ODAD2: variants seen among roughly 807,000 people sequenced by gnomAD.
ODAD2 encodes outer dynein arm docking complex subunit 2.
Under a neutral mutation model 106.8 loss-of-function variants are expected in ODAD2, and 89 were observed. That is an observed-to-expected ratio of 0.83 (90% confidence interval 0.70 to 0.99). The LOEUF is 0.99. Ranked by LOEUF, ODAD2 falls within the 50% of genes least tolerant of loss-of-function variation. ODAD2 has a pLI of 0.00. For missense variants in ODAD2, 1,168 were observed against 1,238.5 expected (o/e 0.94, Z 0.85); for synonymous variants, 404 against 436.2 (o/e 0.93, Z 0.92).
intron 19 of ODAD2, among the ~76,000 whole-genome samples, chr10:27,814,549 A>G (rs889865009): frequency 1.3e-5 from 2 of 152,070 alleles, no homozygotes; most frequent in African/African-American, 4.8e-5. Context: ...CTGATTTTTC[A>G]TCACTTTCAA....
chr10:27,980,298 A>G (rs1849464441), intron 7 of ODAD2, among the ~76,000 whole-genome samples: 2 of 152,162 alleles, frequency 1.3e-5, no homozygotes, highest in Non-Finnish European at 2.9e-5. Flanking sequence ...AAGCATAGGT[A>G]AAAAATAGGT....
At chr10:27,832,362 T>C (rs886531773) in intron 19 of ODAD2, among the ~76,000 whole-genome samples, 20 of 152,190 alleles carry the variant, frequency 1.3e-4, no homozygotes, top group African/African-American at 4.8e-4. Flanking sequence ...CAAATACCTT[T>C]AGCTTCTTCA....
At chr10:27,886,121 TGAC>T (rs1842204267) in intron 17 of ODAD2, among the ~76,000 whole-genome samples, 1 of 150,812 alleles carries the variant, frequency 6.6e-6, no homozygotes, top group South Asian at 2.1e-4. Context: ...AAAGTAATAA[TGAC>T]CAAAAATGTC....
intron 14 of ODAD2, among the ~76,000 whole-genome samples, chr10:27,939,503 G>T (rs1262850264): frequency 6.6e-6 from 1 of 152,086 alleles, no homozygotes; most frequent in Non-Finnish European, 1.5e-5. Flanking sequence ...ATCACTTGAA[G>T]CCAGGGGTTT....
At position 27,885,526 on chromosome 10, in the gene ODAD2, A is replaced by AT. The variant is rs1564465100; in HGVS notation, c.2610+22136_2610+22137insA. ...CTCCATCTCAAAAAAAAAAAAAAAAAAAAAAAAATATATATATATATAAAT... is the reference window on the plus strand; with the variant it reads ...CTCCATCTCAAAAAAAAAAAAAAAAATAAAAAAAATATATATATATATAAAT... On this transcript the variant is annotated intron_variant, in intron 17 of 19. Coordinates refer to ENST00000305242, the MANE Select transcript of ODAD2 (RefSeq NM_018076.5). Among the ~76,000 whole-genome samples, 36 of 13,118 alleles carry AT rather than the reference A, an allele frequency of 2.7e-3. 2 individuals are homozygous for AT. In the East Asian group the frequency reaches 0.036, roughly 13 times the overall value. The allele number at this position is 13,118 out of a possible 152,430, so 8.6% of individuals were successfully genotyped here. A position where few individuals can be genotyped will look rare whatever the true frequency, so the allele number is the denominator to read the frequency against.
At chr10:27,979,070 C>T (rs916451991) in intron 7 of ODAD2, among the ~76,000 whole-genome samples, 38 of 151,688 alleles carry the variant, frequency 2.5e-4, no homozygotes, top group African/African-American at 8.0e-4. Flanking sequence ...ATTCGCAGAG[C>T]ATGGTGGCAG....
At chr10:27,997,330 A>G (rs1850614919) in intron 1 of ODAD2, among the ~76,000 whole-genome samples, 2 of 152,236 alleles carry the variant, frequency 1.3e-5, no homozygotes, top group African/African-American at 2.4e-5. Context: ...AAGTGCAAAT[A>G]GCTTTATCTT....
In ODAD2 at chr10:27,936,729, G is replaced by A. The variant is rs772725937; in HGVS notation, c.2249C>T (p.Thr750Ile). 2 of 1,613,860 alleles carry A rather than the reference G, an allele frequency of 1.2e-6. No individual in the cohort carries two copies. Among genetic ancestry groups the A allele is most frequent in the Admixed American group, 3.3e-5 (2 of 60,004 alleles). ...AATATTGAGAGCCTTCTCTTACTTG[G>A]TAACATTCTCTTTGCTGATGGAACA... ...WKCSISKENV[T>I]KFREYKAIET... The change falls in exon 15 of 20, where the codon ACC becomes ATC. Residue 750 changes from threonine (T) to isoleucine (I), a missense_variant. Thr to Ile is a moderately conservative substitution (Grantham distance 89, BLOSUM62 -1). Coordinates refer to ENST00000305242, the MANE Select transcript of ODAD2 (RefSeq NM_018076.5).
intron 16 of ODAD2, among the ~76,000 whole-genome samples, chr10:27,930,450 G>A (rs553259903): frequency 4.0e-4 from 61 of 151,992 alleles, no homozygotes; most frequent in African/African-American, 1.4e-3. Flanking sequence ...AGCATTCAAG[G>A]CTGCAGTGAA....
intron 9 of ODAD2, among the ~76,000 whole-genome samples, chr10:27,967,383 G>T (rs1286230049): frequency 6.6e-6 from 1 of 152,104 alleles, no homozygotes. Context: ...AGTAACGAAG[G>T]ACTCCCCCGT....
intron 9 of ODAD2, among the ~76,000 whole-genome samples, chr10:27,963,550 T>C (rs1261484495): frequency 6.6e-6 from 1 of 152,168 alleles, no homozygotes; most frequent in Non-Finnish European, 1.5e-5. Context: ...CCACAATACT[T>C]TTCCTCTAAC....
At position 27,862,498 on chromosome 10, in the gene ODAD2, T is replaced by C; in HGVS notation, c.2735A>G (p.Gln912Arg). The stretch of plus-strand genomic sequence containing the variant: ...ATCTGTGATAACAGCTAAATTTTCT[T>C]GATCTTTTGCTATGTTGGTAATGGC... ...CAAITNIAKD[Q>R]ENLAVITDHG... Residue 912 changes from glutamine (Q) to arginine (R), a missense_variant, in exon 18 of 20, where the codon CAA (glutamine) becomes CGA (arginine). Physicochemically the swap from Gln to Arg is conservative, Grantham distance 43. Coordinates refer to ENST00000305242, the MANE Select transcript of ODAD2 (RefSeq NM_018076.5). 6.2e-7 allele frequency: 1 copy of C among 1,612,918 alleles called. No individual in the cohort carries two copies. The highest frequency in any genetic ancestry group is 8.5e-7 in the Non-Finnish European group (1 of 1,179,522).
intron 19 of ODAD2, among the ~76,000 whole-genome samples, chr10:27,818,872 A>G (rs1169182003): frequency 6.6e-6 from 1 of 152,170 alleles, no homozygotes; most frequent in African/African-American, 2.4e-5. Flanking sequence ...ACTCCTTCCT[A>G]GAAAAATCAC....
chr10:27,960,356 A>G (rs1489015847), intron 10 of ODAD2, among the ~76,000 whole-genome samples: 1 of 83,362 alleles, frequency 1.2e-5, no homozygotes, highest in Non-Finnish European at 2.8e-5. Flanking sequence ...TATTATTATT[A>G]TTATTTTGAG....
intron 19 of ODAD2, among the ~76,000 whole-genome samples, chr10:27,834,421 A>G (rs1445861621): frequency 6.6e-6 from 1 of 152,158 alleles, no homozygotes; most frequent in Non-Finnish European, 1.5e-5. Flanking sequence ...AACAGCATGC[A>G]TCATTTCTCA....
intron 9 of ODAD2, among the ~76,000 whole-genome samples, chr10:27,965,625 G>T (rs1848443465): frequency 2.0e-5 from 3 of 152,148 alleles, no homozygotes; most frequent in Admixed American, 2.0e-4. Context: ...ACCCCCTGGA[G>T]TAGTGTATTC....
At chr10:27,997,015 T>C (rs1252525188) in intron 1 of ODAD2, among the ~76,000 whole-genome samples, 1 of 152,226 alleles carries the variant, frequency 6.6e-6, no homozygotes, top group Non-Finnish European at 1.5e-5. Flanking sequence ...TGATATTGAT[T>C]TCAGGATAGC....
chr10:27,970,104 AT>A lies in ODAD2; in HGVS notation c.1142+1003del, dbSNP rs1848744116. Among the ~76,000 whole-genome samples, 5 of 105,368 alleles carry A rather than the reference AT, an allele frequency of 4.7e-5. No individual in the cohort carries two copies. The South Asian group carries it at 1.4e-3, about 30-fold the overall frequency. 69.1% of individuals were successfully genotyped at this position (105,368 alleles called of 152,430 possible). Reference sequence around the variant, plus strand: ...TGACAGCGAGATTCTGTCTCAAAAAATAAATAAATAAATAAATAAATAAATA... The same window carrying A: ...TGACAGCGAGATTCTGTCTCAAAAAAAAATAAATAAATAAATAAATAAATA... On this transcript the variant is annotated intron_variant, in intron 8 of 19. Transcript: ENST00000305242.
intron 6 of ODAD2, 64 bp downstream of exon 6, chr10:27,983,779 G>A (rs1849702378): frequency 6.8e-7 from 1 of 1,469,456 alleles, no homozygotes; most frequent in Non-Finnish European, 9.4e-7. Flanking sequence ...ACACACCCTT[G>A]AGACATCTAC....
Sources: gnomAD v4.1 joint callset for allele counts (sites outside exome capture counted in the v4.1 genomes callset) on GRCh38, gnomAD v4.1.1 for gene constraint, MANE v1.5 for transcripts, NCBI Gene and HGNC (gene_info 2026-07-23, HGNC 2026-07-21) for gene names.